The following CDK14 variants were observed in gnomAD, a reference collection of about 807,000 sequenced individuals.
CDK14 encodes cyclin-dependent kinase 14.
A neutral mutation model predicts 60.7 loss-of-function variants in CDK14; 34 were observed. The observed-to-expected ratio is 0.56, with a 90% CI of 0.43 to 0.75. The LOEUF (loss-of-function observed/expected upper bound fraction) is 0.75, where lower values mean the gene tolerates loss of function less well. Among genes scored for constraint, CDK14 ranks in the 30% least tolerant of loss-of-function variants. The pLI is 0.00. For synonymous variants in CDK14, 197 were observed against 203.7 expected (o/e 0.97, Z 0.28); for missense variants, 482 against 564.1 (o/e 0.85, Z 1.47).
intron 9 of CDK14, among the ~76,000 whole-genome samples, chr7:90,961,308 G>A (rs1054207113): frequency 6.6e-5 from 10 of 151,934 alleles, no homozygotes; most frequent in Non-Finnish European, 1.2e-4. Flanking sequence ...TTTCTCTCCT[G>A]ACATTGTTTT....
chr7:90,664,424 C>T (rs1482966403), intron 2 of CDK14, among the ~76,000 whole-genome samples: 9 of 152,132 alleles, frequency 5.9e-5, no homozygotes, highest in Admixed American at 2.0e-4. Flanking sequence ...TTTGACCCAG[C>T]CATCCCATTA....
chr7:90,954,283 C>T (rs942009202), intron 8 of CDK14, among the ~76,000 whole-genome samples: 1 of 151,824 alleles, frequency 6.6e-6, no homozygotes, highest in Admixed American at 6.6e-5. Flanking sequence ...TAAGAAAAAG[C>T]CATTTCCTTA....
chr7:91,006,725 T>C (rs1795990240), intron 10 of CDK14, among the ~76,000 whole-genome samples: 1 of 152,266 alleles, frequency 6.6e-6, no homozygotes, highest in Non-Finnish European at 1.5e-5. Flanking sequence ...TTTATGCCCA[T>C]GCAATCATTC....
At position 91,202,785 on chromosome 7, in the gene CDK14, G is replaced by A. The variant is rs552792288; in HGVS notation, c.*29-4380G>A. Reference sequence around the variant, plus strand: ...GGGAAAGAGTCTGCCTCTCATTGGCGCCTCTCTTCTGTTCTCATTATTGGC... The same window carrying A: ...GGGAAAGAGTCTGCCTCTCATTGGCACCTCTCTTCTGTTCTCATTATTGGC... On this transcript the variant is annotated intron_variant, in intron 14 of 14. Coordinates refer to ENST00000380050, the MANE Select transcript of CDK14 (RefSeq NM_001287135.2). Among the ~76,000 whole-genome samples the A allele has an allele frequency of 6.9e-4, 105 of 152,274 alleles. 1 individual carries two copies. In the South Asian group the frequency reaches 0.019, roughly 28 times the overall value.
At chr7:90,716,631 A>G (rs73220699) in intron 2 of CDK14, among the ~76,000 whole-genome samples, 24,225 of 152,060 alleles carry the variant, frequency 0.16, 2,043 homozygotes, top group Middle Eastern at 0.26. Context: ...TCATAAACAT[A>G]TTGGATGTAT....
chr7:90,928,769 A>T (rs1350726745), intron 8 of CDK14, among the ~76,000 whole-genome samples: 1 of 152,216 alleles, frequency 6.6e-6, no homozygotes, highest in Non-Finnish European at 1.5e-5. Flanking sequence ...GGGACGTTTA[A>T]GTCTGCAGAA....
chr7:90,795,563 G>A (rs1254491327), intron 5 of CDK14, among the ~76,000 whole-genome samples: 3 of 151,830 alleles, frequency 2.0e-5, no homozygotes, highest in Non-Finnish European at 4.4e-5. Flanking sequence ...GGCAAAAAAA[G>A]TAGTAAAATA....
chr7:91,165,152 A>G (rs1050866070), intron 14 of CDK14, among the ~76,000 whole-genome samples: 1 of 152,306 alleles, frequency 6.6e-6, no homozygotes, highest in Non-Finnish European at 1.5e-5. Context: ...CCAACCACAG[A>G]TATGTTGCAA....
chr7:90,848,200 G>A (rs1478733475), intron 5 of CDK14, among the ~76,000 whole-genome samples: 1 of 152,024 alleles, frequency 6.6e-6, no homozygotes, highest in East Asian at 1.9e-4. Flanking sequence ...CTCCTGGGTT[G>A]AAGTGATCCT....
chr7:90,982,855 GCTTAT>G (rs1441232305), intron 9 of CDK14, among the ~76,000 whole-genome samples: 1 of 151,886 alleles, frequency 6.6e-6, no homozygotes, highest in Non-Finnish European at 1.5e-5. Context: ...TAAAAATACT[GCTTAT>G]CAAGTAACTC....
intron 5 of CDK14, among the ~76,000 whole-genome samples, chr7:90,808,080 G>T (rs559543698): frequency 6.6e-6 from 1 of 152,242 alleles, no homozygotes; most frequent in African/African-American, 2.4e-5. Flanking sequence ...ATCTAGCAAG[G>T]CAGGCCAACG....
intron 10 of CDK14, among the ~76,000 whole-genome samples, chr7:91,038,785 A>G (rs1487987946): frequency 6.6e-6 from 1 of 151,966 alleles, no homozygotes; most frequent in Non-Finnish European, 1.5e-5. Flanking sequence ...AATGAGTCCC[A>G]TGACATCTGA....
Position 91,118,206 on chromosome 7 carries a change from C to G in CDK14, c.*26C>G, listed in dbSNP as rs747921335. ...CAAGCAGCACATTCTCAAGAGCACA[C>G]AGGTAAGAGGACCTGCTTTACCTGG... On this transcript the variant is annotated splice_region_variant and 3_prime_UTR_variant, in exon 14 of 15. Coordinates refer to ENST00000380050, the MANE Select transcript of CDK14 (RefSeq NM_001287135.2). 15 of 1,373,320 alleles carry G rather than the reference C, an allele frequency of 1.1e-5. No individual in the cohort carries two copies. The highest frequency in any genetic ancestry group is 1.5e-5 in the Non-Finnish European group (14 of 962,896). 85.1% of individuals were successfully genotyped at this position (1,373,320 alleles called of 1,614,324 possible).
At chr7:91,076,132 A>G (rs1242977541) in intron 11 of CDK14, among the ~76,000 whole-genome samples, 1 of 150,814 alleles carries the variant, frequency 6.6e-6, no homozygotes, top group Non-Finnish European at 1.5e-5. Context: ...TTTAAATTTT[A>G]TATAAAACCA....
intron 2 of CDK14, among the ~76,000 whole-genome samples, chr7:90,683,487 G>C (rs1801362458): frequency 6.6e-6 from 1 of 152,168 alleles, no homozygotes; most frequent in African/African-American, 2.4e-5. Flanking sequence ...TGATTCCTCT[G>C]CATGGGGAAT....
chr7:90,679,606 G>A (rs1204511429), intron 2 of CDK14, among the ~76,000 whole-genome samples: 5 of 152,136 alleles, frequency 3.3e-5, no homozygotes, highest in Admixed American at 6.5e-5. Flanking sequence ...ACAAGTAATA[G>A]TACAGAGAAA....
chr7:90,694,401 T>C (rs1801615817), intron 2 of CDK14, among the ~76,000 whole-genome samples: 2 of 152,228 alleles, frequency 1.3e-5, no homozygotes, highest in African/African-American at 4.8e-5. Flanking sequence ...ACTGACAATA[T>C]GTATTTGATA....
intron 14 of CDK14, among the ~76,000 whole-genome samples, chr7:91,179,596 A>G (rs1801924636): frequency 6.6e-6 from 1 of 151,990 alleles, no homozygotes; most frequent in Non-Finnish European, 1.5e-5. Flanking sequence ...AGGTCAAGAG[A>G]TGGAGAACAT....
intron 8 of CDK14, among the ~76,000 whole-genome samples, chr7:90,939,109 C>G (rs1793837504): frequency 6.6e-6 from 1 of 152,144 alleles, no homozygotes; most frequent in Non-Finnish European, 1.5e-5. Context: ...AGCGAAATAG[C>G]ACTTTATGAT....
Sources: gnomAD v4.1 joint callset for allele counts (sites outside exome capture counted in the v4.1 genomes callset) on GRCh38, gnomAD v4.1.1 for gene constraint, MANE v1.5 for transcripts, NCBI Gene and HGNC (gene_info 2026-07-23, HGNC 2026-07-21) for gene names.